Variants in CEMIP observed in about 807,000 individuals in gnomAD.
CEMIP encodes cell migration inducing hyaluronidase 1.
A neutral mutation model predicts 156.9 loss-of-function variants in CEMIP; 105 were observed. That is an observed-to-expected ratio of 0.67 (90% CI 0.57 to 0.79). The LOEUF (loss-of-function observed/expected upper bound fraction) is 0.79, where lower values mean the gene tolerates loss of function less well. Among genes scored for constraint, CEMIP ranks in the 30% least tolerant of loss-of-function variants. The pLI, the probability that CEMIP is intolerant of heterozygous loss-of-function variation, is 0.00. For missense variants in CEMIP, 1,457 were observed against 1,769.4 expected (o/e 0.82, Z 3.17); for synonymous variants, 676 against 668.4 (o/e 1.01, Z -0.17).
chr15:80,926,950 C>T (rs1055073809), intron 19 of CEMIP, among the ~76,000 whole-genome samples: 1 of 151,936 alleles, frequency 6.6e-6, no homozygotes, highest in African/African-American at 2.4e-5. Flanking sequence ...CCTGCCTCAG[C>T]CTCCCGAGTA....
intron 13 of CEMIP, among the ~76,000 whole-genome samples, chr15:80,907,901 T>A (rs1899876108): frequency 6.6e-6 from 1 of 152,218 alleles, no homozygotes; most frequent in Admixed American, 6.5e-5. Context: ...TCACGCACTT[T>A]AAGGATAAGA....
chr15:80,889,517 TA>T lies in CEMIP; in HGVS notation c.1014del (p.Gly339ValfsTer69), dbSNP rs1567085048. 1 of 1,614,150 alleles carries T rather than the reference TA, an allele frequency of 6.2e-7. No individual in the cohort carries two copies. Among genetic ancestry groups the T allele is most frequent in the East Asian group, 2.2e-5 (1 of 44,878 alleles). ...TCGATCATGATAAAGTATCTCAGAC[TA>T]AAGGTGGGGAGAAAATTTCAGACCT... The part of the protein sequence containing the change: ...WFDHDKVSQT[K>X]GGEKISDLWK... On this transcript the variant is annotated frameshift_variant, in exon 10 of 30. Coordinates refer to ENST00000394685, the MANE Select transcript of CEMIP (RefSeq NM_001293298.2). LOFTEE classifies it high-confidence loss of function.
At chr15:80,896,276 C>T (rs1293548258) in intron 12 of CEMIP, 3 of 686,676 alleles carry the variant, frequency 4.4e-6, no homozygotes, top group Non-Finnish European at 8.0e-6. Flanking sequence ...AGCCTGACTC[C>T]AGGCTGAGAG....
At chr15:80,900,293 C>T (rs1357216448) in intron 12 of CEMIP, among the ~76,000 whole-genome samples, 1 of 150,630 alleles carries the variant, frequency 6.6e-6, no homozygotes, top group Non-Finnish European at 1.5e-5. Context: ...GGGTCAGCTG[C>T]TTCTGGAGGT....
intron 1 of CEMIP, among the ~76,000 whole-genome samples, chr15:80,859,014 A>G (rs1395921): frequency 0.03 from 4,594 of 152,302 alleles, 225 homozygotes; most frequent in African/African-American, 0.11. Flanking sequence ...GGGTGGCCCC[A>G]GCAACTCCAG....
intron 1 of CEMIP, among the ~76,000 whole-genome samples, chr15:80,870,656 C>T (rs1898259819): frequency 6.6e-6 from 1 of 152,216 alleles, no homozygotes; most frequent in Non-Finnish European, 1.5e-5. Flanking sequence ...GCAAGCAACG[C>T]CTCCTGCCCC....
intron 1 of CEMIP, among the ~76,000 whole-genome samples, chr15:80,828,067 T>G (rs1897077937): frequency 6.6e-6 from 1 of 152,192 alleles, no homozygotes; most frequent in African/African-American, 2.4e-5. Context: ...AAAAGTGCTT[T>G]GGTTTTCCCC....
intron 1 of CEMIP, among the ~76,000 whole-genome samples, chr15:80,791,443 G>C (rs909089791): frequency 1.3e-5 from 2 of 152,206 alleles, no homozygotes; most frequent in Middle Eastern, 3.2e-3. Flanking sequence ...GCTGTCCGAA[G>C]TGAATTGTTG....
chr15:80,797,802 C>T lies in CEMIP; in HGVS notation c.-176+18188C>T, dbSNP rs543932455. Among the ~76,000 whole-genome samples, 27 of 152,292 alleles carry T rather than the reference C, an allele frequency of 1.8e-4. 1 individual carries two copies. The South Asian group carries it at 2.7e-3, about 15-fold the overall frequency. On this transcript the variant is annotated intron_variant, in intron 1 of 29. Coordinates refer to ENST00000394685, the MANE Select transcript of CEMIP (RefSeq NM_001293298.2). ...AGATGAGAAAGAAGTCCTGCAGCTTCGGGTTCTTTATTACCACAGCAGAGT... is the reference window on the plus strand; with the variant it reads ...AGATGAGAAAGAAGTCCTGCAGCTTTGGGTTCTTTATTACCACAGCAGAGT...
At position 80,789,029 on chromosome 15, in the gene CEMIP, T is replaced by G. The variant is rs1369435006; in HGVS notation, c.-176+9415T>G. On this transcript the variant is annotated intron_variant, in intron 1 of 29. Transcript: ENST00000394685. The stretch of plus-strand genomic sequence containing the variant: ...CTATTCTTTATATTGATTATTGAGT[T>G]TTTTGGTGGCCTCTTCAGTTTTGCA... 2.0e-5 allele frequency among the ~76,000 whole-genome samples: 3 copies of G among 152,232 alleles called. No individual in the cohort carries two copies. In the South Asian group the frequency reaches 6.2e-4, roughly 32 times the overall value.
chr15:80,947,128 G>T, intron 29 of CEMIP, 63 bp downstream of exon 29: 1 of 1,053,254 alleles, frequency 9.5e-7, no homozygotes, highest in South Asian at 1.3e-5. Context: ...GCCTGGCATG[G>T]AGGGTGCTGT....
Position 80,878,857 on chromosome 15 carries a change from C to G in CEMIP, c.231C>G (p.Ile77Met), listed in dbSNP as rs1295796259. 6.8e-6 allele frequency: 11 copies of G among 1,614,218 alleles called. No individual in the cohort carries two copies. The South Asian group carries it at 1.1e-4, about 16-fold the overall frequency. Reference sequence around the variant, plus strand: ...CTGCCACGGTCTATTCCATCCACATCTCAGAGGGAGGTAAGCCAATCTCTC... The same window carrying G: ...CTGCCACGGTCTATTCCATCCACATGTCAGAGGGAGGTAAGCCAATCTCTC... ...TSSATVYSIH[I>M]SEGGKLVIKD... is the part of the protein sequence containing the mutation. The change falls in exon 4 of 30, where the codon ATC (isoleucine) becomes ATG (methionine). Residue 77 changes from isoleucine (I) to methionine (M), a missense_variant. Physicochemically the swap from Ile to Met is conservative, Grantham distance 10 (BLOSUM62 1). Transcript: ENST00000394685.
intron 28 of CEMIP, among the ~76,000 whole-genome samples, chr15:80,945,962 GC>G (rs1901535834): frequency 6.6e-6 from 1 of 152,224 alleles, no homozygotes; most frequent in Non-Finnish European, 1.5e-5. Context: ...TGCACACATT[GC>G]TCCAAACCTC....
At chr15:80,894,791 A>G (rs536525451) in intron 10 of CEMIP, among the ~76,000 whole-genome samples, 199 bp from the exon 11 acceptor site, 1 of 152,310 alleles carries the variant, frequency 6.6e-6, no homozygotes, top group East Asian at 1.9e-4. Context: ...GCATTTATCT[A>G]TTCCAAGACT....
At chr15:80,874,791 G>A (rs1403288608) in intron 3 of CEMIP, among the ~76,000 whole-genome samples, 3 of 152,146 alleles carry the variant, frequency 2.0e-5, no homozygotes, top group Non-Finnish European at 2.9e-5. Flanking sequence ...AATTTCAAAT[G>A]GGGGTTTAGT....
chr15:80,784,183 C>T (rs1442262288), intron 1 of CEMIP, among the ~76,000 whole-genome samples: 1 of 152,202 alleles, frequency 6.6e-6, no homozygotes, highest in Non-Finnish European at 1.5e-5. Context: ...GTGCTTTGCC[C>T]AGACTTTGAA....
chr15:80,840,761 G>C (rs1897392012), intron 1 of CEMIP, among the ~76,000 whole-genome samples: 1 of 152,114 alleles, frequency 6.6e-6, no homozygotes, highest in Non-Finnish European at 1.5e-5. Flanking sequence ...TGCCGCCTGA[G>C]AGGGAGTCCT....
chr15:80,912,124 A>G (rs974206637), intron 14 of CEMIP, among the ~76,000 whole-genome samples: 1 of 111,580 alleles, frequency 9.0e-6, no homozygotes, highest in Admixed American at 1.0e-4. Flanking sequence ...AGAGACTGGG[A>G]AAGACTGGGA....
intron 15 of CEMIP, 37 bp downstream of exon 15, chr15:80,920,336 A>C (rs1429724399): frequency 1.3e-6 from 2 of 1,579,056 alleles, no homozygotes; most frequent in East Asian, 4.5e-5. Flanking sequence ...GCTGGGGGGA[A>C]GGGGTGTACA....
Sources: gnomAD v4.1 joint callset for allele counts (sites outside exome capture counted in the v4.1 genomes callset) on GRCh38, gnomAD v4.1.1 for gene constraint, MANE v1.5 for transcripts, NCBI Gene and HGNC (gene_info 2026-07-23, HGNC 2026-07-21) for gene names.